Variants in CCDC88A observed in about 807,000 individuals in gnomAD.
The protein encoded by CCDC88A is coiled-coil and HOOK domain protein 88A, also known as girdin.
Under a neutral mutation model 234.3 loss-of-function variants are expected in CCDC88A, and 54 were observed. The ratio of observed to expected loss-of-function variants is 0.23; its 90% CI spans 0.19 to 0.29. The LOEUF is 0.29. Among genes scored for constraint, CCDC88A ranks in the 10% least tolerant of loss-of-function variants. The pLI, the probability that CCDC88A is intolerant of heterozygous loss-of-function variation, is 1.00. For missense variants in CCDC88A, 1,832 were observed against 2,123.4 expected (o/e 0.86, Z 2.70); for synonymous variants, 753 against 737.8 (o/e 1.02, Z -0.33).
At chr2:55,409,217 C>T (rs538012430) in intron 2 of CCDC88A, among the ~76,000 whole-genome samples, 1 of 152,302 alleles carries the variant, frequency 6.6e-6, no homozygotes, top group African/African-American at 2.4e-5. Context: ...TCTCAAACTT[C>T]CTAATTCCTC....
chr2:55,361,851 T>G (rs941463180), intron 7 of CCDC88A: 3 of 152,454 alleles, frequency 2.0e-5, no homozygotes, highest in African/African-American at 7.2e-5. Context: ...TCATTTGAGA[T>G]CTTTTTTGGG....
At chr2:55,297,262 T>C (rs1196468659) in intron 29 of CCDC88A, 1 of 62,194 alleles carries the variant, frequency 1.6e-5, no homozygotes. Context: ...ATCTAATGTG[T>C]ATTTTTATAT....
Position 55,344,376 on chromosome 2 carries a change from T to A in CCDC88A, c.1180A>T (p.Met394Leu). 6.3e-7 allele frequency: 1 copy of A among 1,575,506 alleles called. No homozygotes were observed. Among genetic ancestry groups the A allele is most frequent in the Non-Finnish European group, 8.6e-7 (1 of 1,161,484 alleles). Residue 394 changes from methionine to leucine, a missense_variant, in exon 11 of 33, where the codon ATG (methionine) becomes TTG (leucine). Around this residue, in one of 6 missense-constraint regions of CCDC88A, gnomAD observed 1,282 missense variants for 1,543.6 expected, o/e 0.83. Transcript: ENST00000436346. ...TACCTCTTAAAACTTACCATTTCCA[T>A]ATCATGAAGTTTAGCTTTCAGTTGT... ...NLQLKAKLHD[M>L]EMERDMDRKK...
At chr2:55,323,946 A>T (rs1683946588) in intron 17 of CCDC88A, 1 of 152,226 alleles carries the variant, frequency 6.6e-6, no homozygotes, top group Admixed American at 6.5e-5. Context: ...TCCTGACCTC[A>T]AGCTATCCAC....
intron 25 of CCDC88A, chr2:55,308,598 C>T: frequency 4.2e-6 from 2 of 475,526 alleles, no homozygotes; most frequent in East Asian, 3.5e-5. Flanking sequence ...AATATTTTAC[C>T]CCTCTGGCCA....
intron 31 of CCDC88A, chr2:55,293,716 A>T (rs1018082850): frequency 1.3e-5 from 2 of 152,148 alleles, no homozygotes; most frequent in African/African-American, 4.8e-5. Context: ...CTATAGGCTA[A>T]ATCCAAATGG....
intron 25 of CCDC88A, among the ~76,000 whole-genome samples, chr2:55,304,290 C>T (rs1681263300): frequency 6.6e-6 from 1 of 152,020 alleles, no homozygotes; most frequent in African/African-American, 2.4e-5. Context: ...AGAAGGAGAC[C>T]CTCTCTCAAA....
At position 55,332,954 on chromosome 2, in the gene CCDC88A, T is replaced by C. The variant is rs917725435; in HGVS notation, c.2728-261A>G. Among the ~76,000 whole-genome samples, 31 of 152,182 alleles carry C rather than the reference T, an allele frequency of 2.0e-4. No individual in the cohort carries two copies. The highest frequency in any genetic ancestry group is 7.2e-4 in the African/African-American group (30 of 41,438). ...TTTACTTGTGAATACACATTTAGGTTTGAAAACTGGGGAAAATCATATCCA... is the reference window on the plus strand; with the variant it reads ...TTTACTTGTGAATACACATTTAGGTCTGAAAACTGGGGAAAATCATATCCA... On this transcript the variant is annotated intron_variant, in intron 15 of 32. Transcript: ENST00000436346. This position sits in a 1 kb window ranked among gnomAD's most constrained non-coding sequence, Gnocchi z 4.5.
chr2:55,344,885 T>G (rs1004451511), intron 10 of CCDC88A, among the ~76,000 whole-genome samples: 1 of 152,206 alleles, frequency 6.6e-6, no homozygotes, highest in Non-Finnish European at 1.5e-5. Context: ...TATTTCTCTG[T>G]ACTTGGAGCT....
At position 55,378,509 on chromosome 2, in the gene CCDC88A, G is replaced by C. The variant is rs1409875289; in HGVS notation, c.274-3626C>G. Among the ~76,000 whole-genome samples, 15 of 152,144 alleles carry C rather than the reference G, an allele frequency of 9.9e-5. No individual in the cohort carries two copies. In the East Asian group the frequency reaches 2.9e-3, roughly 29 times the overall value. ...CAATACATATGCCTTTTTTGGGAGA[G>C]GGTAGGAAGTGAAACAAAAGTAAAA... On this transcript the variant is annotated intron_variant, in intron 3 of 32. Transcript: ENST00000436346.
At chr2:55,405,302 G>A (rs1679356941) in intron 2 of CCDC88A, 1 of 152,030 alleles carries the variant, frequency 6.6e-6, no homozygotes, top group South Asian at 2.1e-4. Flanking sequence ...TACCTTCAAA[G>A]GCCAAACCTA....
chr2:55,352,106 G>A (rs1669964302), intron 8 of CCDC88A, among the ~76,000 whole-genome samples: 1 of 151,952 alleles, frequency 6.6e-6, no homozygotes, highest in African/African-American at 2.4e-5. Flanking sequence ...ACTGAATATG[G>A]GGTTTCTTTT....
chr2:55,359,459 G>C (rs1016102319), intron 7 of CCDC88A, among the ~76,000 whole-genome samples: 2 of 151,828 alleles, frequency 1.3e-5, no homozygotes, highest in African/African-American at 2.4e-5. Context: ...TTCTCTAATG[G>C]CAGTAACTTC....
chr2:55,406,962 C>T (rs1171483271), intron 2 of CCDC88A, among the ~76,000 whole-genome samples: 1 of 152,140 alleles, frequency 6.6e-6, no homozygotes, highest in Non-Finnish European at 1.5e-5. Context: ...CCTATAACCC[C>T]AGGACTCTGG....
At chr2:55,319,203 C>A (rs1195010310) in intron 18 of CCDC88A, among the ~76,000 whole-genome samples, 199 bp from the exon 19 acceptor site, 2 of 152,014 alleles carry the variant, frequency 1.3e-5, no homozygotes, top group African/African-American at 4.8e-5. Flanking sequence ...AGAAAGAAGG[C>A]AATGATATTA....
At chr2:55,390,536 G>A (rs934940322) in intron 2 of CCDC88A, among the ~76,000 whole-genome samples, 2 of 152,176 alleles carry the variant, frequency 1.3e-5, no homozygotes, top group African/African-American at 4.8e-5. Context: ...AAAATATGAA[G>A]GGGAAGCTAT....
Position 55,317,440 on chromosome 2 carries a change from CAT to C in CCDC88A, c.3603-93_3603-92del. ...TGAGTAATGAGTATCATTTAAAACA[CAT>C]GTAAATTTATATAAATTTCTTATGT... On this transcript the variant is annotated intron_variant, in intron 20 of 32. Coordinates refer to ENST00000436346, the MANE Select transcript of CCDC88A (RefSeq NM_001365480.1). This position sits in a 1 kb window ranked among gnomAD's most constrained non-coding sequence, Gnocchi z 4.2. 1 of 1,185,330 alleles carries C rather than the reference CAT, an allele frequency of 8.4e-7. No individual in the cohort carries two copies. The allele number at this position is 1,185,330 out of a possible 1,614,324, so 73.4% of individuals were successfully genotyped here. A position where few individuals can be genotyped will look rare whatever the true frequency, so the allele number is the denominator to read the frequency against.
chr2:55,383,263 T>C (rs565978909), intron 3 of CCDC88A, among the ~76,000 whole-genome samples: 6 of 152,180 alleles, frequency 3.9e-5, no homozygotes, highest in African/African-American at 9.6e-5. Context: ...TTGGGAAACA[T>C]ACACTTTTGA....
rs938673774 is a variant in CCDC88A at position 55,294,777 on chromosome 2, C to G, written c.5551+820G>C. 11 of 1,005,106 alleles carry G rather than the reference C, an allele frequency of 1.1e-5. No individual in the cohort carries two copies. The Admixed American group carries it at 1.6e-4, about 15-fold the overall frequency. 62.3% of individuals were successfully genotyped at this position (1,005,106 alleles called of 1,614,324 possible). A position where few individuals can be genotyped will look rare whatever the true frequency, so the allele number is the denominator to read the frequency against. On this transcript the variant is annotated intron_variant, in intron 31 of 32. Transcript: ENST00000436346. Reference sequence around the variant, plus strand: ...AACATGCTTCTGGATATCAAAGTAACAATCTTATCAGGCAACAAAAAATGT... The same window carrying G: ...AACATGCTTCTGGATATCAAAGTAAGAATCTTATCAGGCAACAAAAAATGT...
Sources: gnomAD v4.1 joint callset for allele counts (sites outside exome capture counted in the v4.1 genomes callset) on GRCh38, gnomAD v4.1.1 for gene constraint, gnomAD v4.1.1 regional missense constraint, Gnocchi (gnomAD v3.1) non-coding constraint, MANE v1.5 for transcripts, NCBI Gene and HGNC (gene_info 2026-07-23, HGNC 2026-07-21) for gene names.